NPAS3: variants seen among roughly 807,000 people sequenced by gnomAD.
The protein encoded by NPAS3 is neuronal PAS domain protein 3.
A neutral mutation model predicts 73.1 loss-of-function variants in NPAS3; 14 were observed. The observed-to-expected ratio is 0.19, with a 90% CI of 0.13 to 0.30. The LOEUF (loss-of-function observed/expected upper bound fraction) is 0.30. NPAS3 is among the 10% of genes least tolerant of loss of function. NPAS3 has a pLI of 1.00. For missense variants in NPAS3, 1,096 were observed against 1,250.0 expected, an observed-to-expected ratio of 0.88 and a Z score of 1.86; for synonymous variants, 620 against 541.5, an observed-to-expected ratio of 1.14 and a Z score of -2.01.
chr14:33,270,652 A>G (rs1500722), intron 3 of NPAS3, among the ~76,000 whole-genome samples: 11,097 of 152,308 alleles, frequency 0.073, 831 homozygotes, highest in African/African-American at 0.18. Context: ...TAAGGTGGCT[A>G]GATTACATGT....
At chr14:33,407,624 C>G (rs1242970809) in intron 4 of NPAS3, among the ~76,000 whole-genome samples, 1 of 152,070 alleles carries the variant, frequency 6.6e-6, no homozygotes, top group African/African-American at 2.4e-5. Flanking sequence ...TATGTAAGTA[C>G]AGATTGATAA....
chr14:33,576,865 G>A (rs1278154067), intron 5 of NPAS3, among the ~76,000 whole-genome samples: 2 of 152,194 alleles, frequency 1.3e-5, no homozygotes, highest in African/African-American at 2.4e-5. Context: ...TAGGCCCTCA[G>A]AGGAATTTCA....
At chr14:33,541,658 G>A (rs1411208286) in intron 4 of NPAS3, among the ~76,000 whole-genome samples, 1 of 152,208 alleles carries the variant, frequency 6.6e-6, no homozygotes, top group Admixed American at 6.5e-5. Flanking sequence ...CTAAGAGGAT[G>A]TAAGAATGAG....
intron 2 of NPAS3, among the ~76,000 whole-genome samples, chr14:33,186,151 A>C (rs1156455787): frequency 6.6e-6 from 1 of 152,184 alleles, no homozygotes; most frequent in African/African-American, 2.4e-5. Flanking sequence ...TGCTTTGCAA[A>C]TTAAGCCTTT....
At chr14:33,075,060 A>G (rs914267791) in intron 2 of NPAS3, among the ~76,000 whole-genome samples, 29 of 152,178 alleles carry the variant, frequency 1.9e-4, no homozygotes, top group African/African-American at 6.8e-4. Flanking sequence ...GTAGATTTTT[A>G]TCTTTTAAAT....
chr14:33,563,537 C>CACACAGAGAGAG, intron 5 of NPAS3, among the ~76,000 whole-genome samples: 2 of 119,646 alleles, frequency 1.7e-5, no homozygotes, highest in Admixed American at 8.2e-5. Context: ...CACACACACA[C>CACACAGAGAGAG]AGAGAGAGAG....
At chr14:33,315,607 G>T (rs2043178923) in intron 3 of NPAS3, among the ~76,000 whole-genome samples, 1 of 151,858 alleles carries the variant, frequency 6.6e-6, no homozygotes, top group African/African-American at 2.4e-5. Context: ...AAGAGATGCA[G>T]AGTACTATAG....
chr14:33,458,461 A>G (rs560328510), intron 4 of NPAS3, among the ~76,000 whole-genome samples: 5 of 152,200 alleles, frequency 3.3e-5, no homozygotes, highest in Non-Finnish European at 5.9e-5. Flanking sequence ...GGGGCGAAAA[A>G]AGAAATACCA....
At chr14:33,660,790 G>A (rs1386386846) in intron 5 of NPAS3, among the ~76,000 whole-genome samples, 2 of 152,146 alleles carry the variant, frequency 1.3e-5, no homozygotes, top group African/African-American at 4.8e-5. Context: ...TCATCTATGA[G>A]ACTGTTTTAT....
chr14:33,289,839 C>A (rs993894286), intron 3 of NPAS3, among the ~76,000 whole-genome samples: 8 of 149,230 alleles, frequency 5.4e-5, no homozygotes, highest in Non-Finnish European at 7.4e-5. Flanking sequence ...AAAAAAAAAT[C>A]TATTCTTGTC....
At chr14:33,475,426 A>T (rs1001707666) in intron 4 of NPAS3, among the ~76,000 whole-genome samples, 3 of 151,950 alleles carry the variant, frequency 2.0e-5, no homozygotes, top group Non-Finnish European at 4.4e-5. Flanking sequence ...TGATTTTGTC[A>T]TTTTAACTTA....
chr14:33,647,302 A>G (rs1231849975), intron 5 of NPAS3, among the ~76,000 whole-genome samples: 2 of 151,856 alleles, frequency 1.3e-5, no homozygotes, highest in East Asian at 1.9e-4. Context: ...ATATATATAT[A>G]TATATAGCCA....
intron 2 of NPAS3, among the ~76,000 whole-genome samples, chr14:33,165,914 C>T (rs907202779): frequency 1.3e-5 from 2 of 152,116 alleles, no homozygotes; most frequent in South Asian, 4.1e-4. Flanking sequence ...TTGTGTCCCC[C>T]CATCCCCAAA....
At chr14:33,412,168 G>A (rs1227273008) in intron 4 of NPAS3, among the ~76,000 whole-genome samples, 1 of 152,036 alleles carries the variant, frequency 6.6e-6, no homozygotes, top group Non-Finnish European at 1.5e-5. Flanking sequence ...CCCCAGGCTG[G>A]AATGCAGTGA....
chr14:33,605,024 G>C (rs1404470939), intron 5 of NPAS3, among the ~76,000 whole-genome samples: 1 of 151,802 alleles, frequency 6.6e-6, no homozygotes, highest in Non-Finnish European at 1.5e-5. Context: ...AAAGAAGCTA[G>C]AAAAAGAACA....
At chr14:33,503,800 C>T (rs1344706513) in intron 4 of NPAS3, among the ~76,000 whole-genome samples, 3 of 151,904 alleles carry the variant, frequency 2.0e-5, no homozygotes, top group Non-Finnish European at 4.4e-5. Context: ...TCCTACATTG[C>T]TTTGTTTATC....
chr14:33,087,677 A>T (rs946970166), intron 2 of NPAS3, among the ~76,000 whole-genome samples: 5 of 152,184 alleles, frequency 3.3e-5, no homozygotes, highest in Non-Finnish European at 7.4e-5. Context: ...AATTTTATTT[A>T]TACAAGTACT....
intron 1 of NPAS3, among the ~76,000 whole-genome samples, chr14:33,055,181 G>A (rs2040845061): frequency 1.3e-5 from 2 of 152,134 alleles, no homozygotes; most frequent in South Asian, 4.1e-4. Flanking sequence ...AAACATCTCA[G>A]CATTTTTATG....
At chr14:33,723,077 C>T (rs2061161946) in intron 6 of NPAS3, among the ~76,000 whole-genome samples, 1 of 152,088 alleles carries the variant, frequency 6.6e-6, no homozygotes, top group South Asian at 2.1e-4. Flanking sequence ...TGTGTCAGAC[C>T]CCATACCTAA....
Sources: gnomAD v4.1 joint callset for allele counts (sites outside exome capture counted in the v4.1 genomes callset) on GRCh38, gnomAD v4.1.1 for gene constraint, MANE v1.5 for transcripts, NCBI Gene and HGNC (gene_info 2026-07-23, HGNC 2026-07-21) for gene names.